Variants in CTNND2 observed in about 807,000 individuals in gnomAD.
CTNND2 encodes the protein catenin delta-2.
Under a neutral mutation model 144.4 loss-of-function variants are expected in CTNND2, and 22 were observed. The ratio of observed to expected loss-of-function variants is 0.15; its 90% confidence interval spans 0.11 to 0.22. The LOEUF is 0.22. Ranked by LOEUF, CTNND2 falls within the 10% of genes least tolerant of loss-of-function variation. CTNND2 has a pLI of 1.00. For missense variants in CTNND2, 1,353 were observed against 1,618.8 expected (o/e 0.84, Z 2.82); for synonymous variants, 751 against 695.6 (o/e 1.08, Z -1.25).
intron 1 of CTNND2, among the ~76,000 whole-genome samples, chr5:11,813,914 C>T (rs949127156): frequency 6.6e-6 from 1 of 152,282 alleles, no homozygotes; most frequent in East Asian, 1.9e-4. Context: ...TACTGATGGG[C>T]ACACTTTTAA....
chr5:11,448,238 A>G (rs1347414853), intron 3 of CTNND2, among the ~76,000 whole-genome samples: 1 of 152,202 alleles, frequency 6.6e-6, no homozygotes. Flanking sequence ...TAATGATATG[A>G]GATGTACAAT....
chr5:11,308,825 T>C (rs1750514092), intron 9 of CTNND2, among the ~76,000 whole-genome samples: 1 of 152,128 alleles, frequency 6.6e-6, no homozygotes, highest in African/African-American at 2.4e-5. Context: ...CTGGGTAATT[T>C]ATAAAAAAGA....
At chr5:11,569,552 G>T (rs532520352) in intron 2 of CTNND2, among the ~76,000 whole-genome samples, 3 of 152,060 alleles carry the variant, frequency 2.0e-5, no homozygotes, top group Non-Finnish European at 2.9e-5. Context: ...AGCATGTAAA[G>T]TCTCTTGGGG....
chr5:11,410,833 T>C (rs536255421), intron 5 of CTNND2, among the ~76,000 whole-genome samples: 1 of 152,240 alleles, frequency 6.6e-6, no homozygotes, highest in African/African-American at 2.4e-5. Context: ...TTTTATGATT[T>C]CTACCAACAG....
Position 11,007,468 on chromosome 5 carries a change from G to A in CTNND2, c.3084+10506C>T, listed in dbSNP as rs112593815. On this transcript the variant is annotated intron_variant, in intron 18 of 21. Coordinates refer to ENST00000304623, the MANE Select transcript of CTNND2 (RefSeq NM_001332.4). ...GGGAACTGCTGGCAGCCTGTCACGG[G>A]CACGTGGTTATGACAGGACACGTGG... 4.0e-3 allele frequency among the ~76,000 whole-genome samples: 612 copies of A among 152,318 alleles called. 5 individuals carry two copies. Among genetic ancestry groups the A allele is most frequent in the African/African-American group, 0.012 (507 of 41,570 alleles).
intron 3 of CTNND2, among the ~76,000 whole-genome samples, chr5:11,490,688 T>A (rs1352405907): frequency 2.0e-5 from 3 of 152,202 alleles, no homozygotes; most frequent in Admixed American, 6.5e-5. Context: ...ATTGCTTAGA[T>A]AATTTGCTTA....
At chr5:11,288,649 C>T (rs1389853517) in intron 9 of CTNND2, among the ~76,000 whole-genome samples, 1 of 151,974 alleles carries the variant, frequency 6.6e-6, no homozygotes, top group East Asian at 1.9e-4. Flanking sequence ...AATGGATTCT[C>T]ATTATGGAAA....
At chr5:11,822,194 G>A (rs1393080893) in intron 1 of CTNND2, among the ~76,000 whole-genome samples, 1 of 152,160 alleles carries the variant, frequency 6.6e-6, no homozygotes, top group Non-Finnish European at 1.5e-5. Context: ...GAACAGGAAT[G>A]TGAGCAAACT....
rs542324816 is a variant in CTNND2 at position 11,229,178 on chromosome 5, T to C, written c.1761+7513A>G. The stretch of plus-strand genomic sequence containing the variant: ...AGAAAGGAGTACAAGTCAATCCTTC[T>C]CACATATAAAGTCACATAATAAAGT... On this transcript the variant is annotated intron_variant, in intron 10 of 21. Transcript: ENST00000304623. Among the ~76,000 whole-genome samples the C allele has an allele frequency of 2.0e-5, 3 of 152,336 alleles. No homozygotes were observed. The South Asian group carries it at 6.2e-4, about 32-fold the overall frequency.
chr5:11,050,070 G>C (rs2149580504), intron 16 of CTNND2, among the ~76,000 whole-genome samples: 1 of 152,310 alleles, frequency 6.6e-6, no homozygotes, highest in South Asian at 2.1e-4. Flanking sequence ...ATGTGGTTTA[G>C]AGGATACAAT....
At chr5:11,465,848 C>G (rs1303114908) in intron 3 of CTNND2, among the ~76,000 whole-genome samples, 1 of 152,182 alleles carries the variant, frequency 6.6e-6, no homozygotes, top group East Asian at 1.9e-4. Context: ...TACTTGGCTT[C>G]CTCATGGCAG....
At chr5:11,484,389 A>T (rs545477187) in intron 3 of CTNND2, among the ~76,000 whole-genome samples, 1 of 152,312 alleles carries the variant, frequency 6.6e-6, no homozygotes, top group Non-Finnish European at 1.5e-5. Flanking sequence ...GTTGTATTTG[A>T]TGTCACACAG....
chr5:11,642,802 ACTC>A (rs1283005691), intron 2 of CTNND2, among the ~76,000 whole-genome samples: 1 of 152,028 alleles, frequency 6.6e-6, no homozygotes, highest in Non-Finnish European at 1.5e-5. Context: ...CAGATAAAAT[ACTC>A]CTCAACCCCT....
At position 11,096,943 on chromosome 5, in the gene CTNND2, G is replaced by A. The variant is rs73741555; in HGVS notation, c.2637+1632C>T. 9.0e-3 allele frequency among the ~76,000 whole-genome samples: 1,374 copies of A among 152,276 alleles called. 17 individuals carry two copies. Among genetic ancestry groups the A allele is most frequent in the African/African-American group, 0.032 (1,327 of 41,544 alleles). On this transcript the variant is annotated intron_variant, in intron 15 of 21. Transcript: ENST00000304623. Reference sequence around the variant, plus strand: ...GTACCCATCTAGTTAGTGCTGCAAGGCAGGGGAGCTGGGTAGGGTCTTTTA... The same window carrying A: ...GTACCCATCTAGTTAGTGCTGCAAGACAGGGGAGCTGGGTAGGGTCTTTTA...
At chr5:11,499,726 G>A (rs1770357073) in intron 3 of CTNND2, among the ~76,000 whole-genome samples, 1 of 151,736 alleles carries the variant, frequency 6.6e-6, no homozygotes, top group Non-Finnish European at 1.5e-5. Flanking sequence ...TTGTCTCAAA[G>A]TTTTTTTTAC....
chr5:11,017,578 C>T (rs939910749), intron 18 of CTNND2, among the ~76,000 whole-genome samples: 1 of 83,036 alleles, frequency 1.2e-5, no homozygotes, highest in East Asian at 4.7e-4. Flanking sequence ...ATATATATAT[C>T]TTTCCATATA....
intron 3 of CTNND2, among the ~76,000 whole-genome samples, chr5:11,490,820 C>T (rs17805650): frequency 0.13 from 19,052 of 151,856 alleles, 1,241 homozygotes; most frequent in Middle Eastern, 0.27. Context: ...CAAATAATTG[C>T]TCATCAAAAT....
At position 11,284,218 on chromosome 5, in the gene CTNND2, G is replaced by A. The variant is rs186842383; in HGVS notation, c.1629-47395C>T. ...AGGGTTGTGCAGGGCTGTCAGTACC[G>A]GGCTCCTGTTGTGGGGAGGTGAAGG... On this transcript the variant is annotated intron_variant, in intron 9 of 21. Coordinates refer to ENST00000304623, the MANE Select transcript of CTNND2 (RefSeq NM_001332.4). Among the ~76,000 whole-genome samples, 48 of 152,244 alleles carry A rather than the reference G, an allele frequency of 3.2e-4. 1 individual carries two copies. The highest frequency in any genetic ancestry group is 6.7e-4 in the African/African-American group (28 of 41,556).
At chr5:11,873,572 C>T (rs1735323579) in intron 1 of CTNND2, among the ~76,000 whole-genome samples, 1 of 152,166 alleles carries the variant, frequency 6.6e-6, no homozygotes, top group South Asian at 2.1e-4. Flanking sequence ...TCAATAAAAA[C>T]ATGTTGTGTA....
Sources: allele counts gnomAD v4.1 joint callset (sites outside exome capture counted in the v4.1 genomes callset), GRCh38; gene constraint gnomAD v4.1.1; transcripts MANE v1.5; gene names NCBI Gene and HGNC (gene_info 2026-07-23, HGNC 2026-07-21).